The following CRNKL1 variants were observed in gnomAD, a reference collection of about 807,000 sequenced individuals.
CRNKL1 encodes the protein crooked neck pre-mRNA splicing factor 1.
In CRNKL1, 35 loss-of-function variants were observed where a neutral mutation model predicts 103.7. The ratio of observed to expected loss-of-function variants is 0.34; its 90% confidence interval spans 0.26 to 0.45. CRNKL1 has a LOEUF of 0.45. Ranked by LOEUF, CRNKL1 falls within the 20% of genes least tolerant of loss-of-function variation. The pLI is 1.00. For synonymous variants in CRNKL1, 267 were observed against 282.6 expected (o/e 0.94, Z 0.55); for missense variants, 645 against 836.0 (o/e 0.77, Z 2.82).
At chr20:20,054,426 T>C (rs6081851), upstream of CRNKL1, among the ~76,000 whole-genome samples, 17 of 138,138 alleles carry the variant, frequency 1.2e-4, no homozygotes, top group South Asian at 7.0e-4. Context: ...CACACACACA[T>C]ACATACACAT....
At chr20:20,051,135 G>A (rs990713752) in intron 1 of CRNKL1, among the ~76,000 whole-genome samples, 7 of 152,158 alleles carry the variant, frequency 4.6e-5, no homozygotes, top group Admixed American at 1.3e-4. Flanking sequence ...ACAGTCTAAC[G>A]TAGCTTAGAG....
Position 20,050,474 on chromosome 20 carries a change from C to G in CRNKL1, c.200G>C (p.Arg67Thr), listed in dbSNP as rs1414347472. The G allele has an allele frequency of 6.2e-7, 1 of 1,612,946 alleles. No homozygotes were observed. The highest frequency in any genetic ancestry group is 8.5e-7 in the Non-Finnish European group (1 of 1,179,646). The change falls in exon 2 of 14, where the codon AGG becomes ACG. Residue 67 changes from arginine to threonine, a missense_variant. By Grantham distance (71) the Arg-to-Thr change is moderately conservative. Transcript: ENST00000536226. ...AAAGATACCACACTGACTGACCTTC[C>G]TTTTCCTTAGTTTATAATCATTTAA... ...EELNDYKLRK[R>T]KTFEDNIRKN...
At chr20:20,052,590 A>G, upstream of CRNKL1, 1 of 1,613,826 alleles carries the variant, frequency 6.2e-7, no homozygotes, top group Non-Finnish European at 8.5e-7. Flanking sequence ...GCTGCGGATG[A>G]GGTGGGTAAC....
At chr20:20,041,679 AT>A in intron 8 of CRNKL1, 54 bp from the exon 9 acceptor site, 1 of 1,289,786 alleles carries the variant, frequency 7.8e-7, no homozygotes. Flanking sequence ...GCTAACACTC[AT>A]TTTACTAGTT....
intron 11 of CRNKL1, 22 bp from the exon 12 acceptor site, chr20:20,038,472 G>T: frequency 7.1e-7 from 1 of 1,409,330 alleles, no homozygotes; most frequent in Non-Finnish European, 9.8e-7. Context: ...AAGTAAATGG[G>T]TCAGTCTTGA....
chr20:20,034,408 G>A lies in CRNKL1; in HGVS notation c.*1787C>T, dbSNP rs576798726. ...CGAAAGGATTTACTTTGGTGGAGTT[G>A]AGGGTGGGAGAGAAATGAATCTTTA... On this transcript the variant is annotated 3_prime_UTR_variant, in exon 14 of 14. Coordinates refer to ENST00000536226, the MANE Select transcript of CRNKL1 (RefSeq NM_001278628.2). The A allele has an allele frequency of 2.0e-5, 3 of 150,034 alleles. No individual in the cohort carries two copies. The highest frequency in any genetic ancestry group is 2.0e-4 in the Admixed American group (3 of 15,210). 9.3% of individuals were successfully genotyped at this position (150,034 alleles called of 1,614,324 possible). A position where few individuals can be genotyped will look rare whatever the true frequency, so the allele number is the denominator to read the frequency against.
rs777631223 is a variant in CRNKL1 at position 20,037,412 on chromosome 20, C to G, written c.1807G>C (p.Glu603Gln). The G allele has an allele frequency of 2.5e-6, 4 of 1,614,002 alleles. No homozygotes were observed. In the African/African-American group the frequency reaches 5.3e-5, roughly 22 times the overall value. Residue 603 changes from glutamate to glutamine, a missense_variant, in exon 13 of 14, where the codon GAA (glutamate) becomes CAA (glutamine). Physicochemically the swap from Glu to Gln is conservative, Grantham distance 29. This residue lies in a region of CRNKL1 where 582 missense variants were observed against 707.7 expected (regional missense o/e 0.82). Transcript: ENST00000536226. ...TCCTTATCTGAAGCTGTTCCAAATTCTTCTTCAAAACTTCGCCAAGATTCC... is the reference window on the plus strand; with the variant it reads ...TCCTTATCTGAAGCTGTTCCAAATTGTTCTTCAAAACTTCGCCAAGATTCC... Reference protein sequence around the residue: ...LLESWRSFEEEFGTASDKERV... With the variant: ...LLESWRSFEEQFGTASDKERV...
chr20:20,052,778 G>A (rs183257279), upstream of CRNKL1: 29 of 1,507,676 alleles, frequency 1.9e-5, no homozygotes, highest in East Asian at 6.6e-4. Context: ...GGGGGAAGAA[G>A]GGAGAGCGAG....
In CRNKL1 at chr20:20,043,608, C is replaced by T; in HGVS notation, c.856G>A (p.Asp286Asn). 6.2e-7 allele frequency: 1 copy of T among 1,614,082 alleles called. No individual in the cohort carries two copies. The highest frequency in any genetic ancestry group is 8.5e-7 in the Non-Finnish European group (1 of 1,179,964). The part of the protein sequence containing the change: ...KYALDRISKQ[D>N]AQELFKNYTI... ...TAATTTTTAAAGAGTTCTTGGGCAT[C>T]TTGTTTTGAAATTCTGTCCAGGGCA... Residue 286 changes from aspartate (D) to asparagine (N), a missense_variant, in exon 7 of 14, where the codon GAT becomes AAT. Coordinates refer to ENST00000536226, the MANE Select transcript of CRNKL1 (RefSeq NM_001278628.2).
intron 11 of CRNKL1, 45 bp downstream of exon 11, chr20:20,039,564 A>G: frequency 1.2e-6 from 2 of 1,608,170 alleles, no homozygotes; most frequent in Admixed American, 1.7e-5. Flanking sequence ...AAGTAAGACT[A>G]AACACGTATC....
intron 11 of CRNKL1, among the ~76,000 whole-genome samples, chr20:20,038,950 A>G (rs911811370): frequency 3.9e-5 from 6 of 152,212 alleles, no homozygotes; most frequent in African/African-American, 1.4e-4. Context: ...TGGACACCTG[A>G]AAGCTGGCAG....
chr20:20,050,816 T>C (rs2043691942), intron 1 of CRNKL1, among the ~76,000 whole-genome samples, 194 bp from the exon 2 acceptor site: 2 of 152,316 alleles, frequency 1.3e-5, no homozygotes, highest in South Asian at 2.1e-4. Flanking sequence ...TCATAGTATC[T>C]ACTGCAAAGC....
intron 1 of CRNKL1, among the ~76,000 whole-genome samples, chr20:20,051,794 T>C (rs1026050013): frequency 6.6e-6 from 1 of 152,238 alleles, no homozygotes; most frequent in African/African-American, 2.4e-5. Context: ...CCGTCTACTC[T>C]CGCCCTCCGC....
intron 7 of CRNKL1, among the ~76,000 whole-genome samples, chr20:20,043,257 C>T (rs2043543956): frequency 6.6e-6 from 1 of 152,202 alleles, no homozygotes; most frequent in South Asian, 2.1e-4. Context: ...CAACAATCAA[C>T]AAAACGACTT....
At chr20:20,037,251 T>G in intron 13 of CRNKL1, 72 bp downstream of exon 13, 1 of 1,533,954 alleles carries the variant, frequency 6.5e-7, no homozygotes, top group Middle Eastern at 1.7e-4. Context: ...CACTTAAAAG[T>G]CCACATTTCG....
chr20:20,041,131 G>A (rs1206674726), intron 9 of CRNKL1, among the ~76,000 whole-genome samples: 3 of 152,202 alleles, frequency 2.0e-5, no homozygotes, highest in Admixed American at 1.3e-4. Context: ...AAGTAACTCA[G>A]TCAACACTTC....
At chr20:20,041,683 T>A in intron 8 of CRNKL1, 58 bp from the exon 9 acceptor site, 1 of 1,258,974 alleles carries the variant, frequency 7.9e-7, no homozygotes, top group South Asian at 1.2e-5. Flanking sequence ...ACACTCATTT[T>A]ACTAGTTACT....
chr20:20,051,563 G>C (rs1303394088), intron 1 of CRNKL1, among the ~76,000 whole-genome samples: 1 of 152,188 alleles, frequency 6.6e-6, no homozygotes, highest in Non-Finnish European at 1.5e-5. Context: ...CAGACACAGT[G>C]TTACTTGCTC....
At chr20:20,050,681 AACAAACAT>A (rs2043682591) in intron 1 of CRNKL1, 59 bp from the exon 2 acceptor site, 1 of 1,472,784 alleles carries the variant, frequency 6.8e-7, no homozygotes, top group Non-Finnish European at 9.2e-7. Context: ...AGGCTTAAGA[AACAAACAT>A]ACATTTTTTA....
Sources: gnomAD v4.1 joint callset for allele counts (sites outside exome capture counted in the v4.1 genomes callset) on GRCh38, gnomAD v4.1.1 for gene constraint, gnomAD v4.1.1 regional missense constraint, MANE v1.5 for transcripts, NCBI Gene and HGNC (gene_info 2026-07-23, HGNC 2026-07-21) for gene names.